Variants in DHX36 observed in about 807,000 individuals in gnomAD.
DHX36 encodes the protein DEAH-box helicase 36.
A neutral mutation model predicts 139.0 loss-of-function variants in DHX36; 50 were observed. That is an observed-to-expected ratio of 0.36 (90% confidence interval 0.29 to 0.46). The LOEUF is 0.46. DHX36 is among the 20% of genes least tolerant of loss of function. The probability of loss-of-function intolerance (pLI) is 1.00; values close to 1 mark genes in which losing one functional copy is unlikely to be tolerated. For synonymous variants in DHX36, 425 were observed against 401.9 expected (o/e 1.06, Z -0.69); for missense variants, 1,024 against 1,211.3 (o/e 0.85, Z 2.29).
intron 17 of DHX36, among the ~76,000 whole-genome samples, 192 bp downstream of exon 17, chr3:154,288,674 A>T (rs762584787): frequency 1.3e-5 from 2 of 152,204 alleles, no homozygotes; most frequent in Non-Finnish European, 2.9e-5. Context: ...TATTACGAAG[A>T]TATCACTTTA....
At chr3:154,319,134 A>G (rs1162163046) in intron 1 of DHX36, 1 of 152,118 alleles carries the variant, frequency 6.6e-6, no homozygotes, top group Non-Finnish European at 1.5e-5. Context: ...CTCCCCCTCA[A>G]CAACCTTCTT....
At chr3:154,319,757 G>T (rs1205277737) in intron 1 of DHX36, among the ~76,000 whole-genome samples, 1 of 152,056 alleles carries the variant, frequency 6.6e-6, no homozygotes, top group African/African-American at 2.4e-5. Flanking sequence ...TTAAGATTTG[G>T]GGGTTGGTTA....
intron 24 of DHX36, 179 bp from the exon 25 acceptor site, chr3:154,276,535 A>G (rs1719154989): frequency 2.6e-6 from 2 of 760,920 alleles, no homozygotes; most frequent in Non-Finnish European, 4.2e-6. Flanking sequence ...TGCAGTTAAA[A>G]TTCACACTGC....
At position 154,320,006 on chromosome 3, in the gene DHX36, T is replaced by A. The variant is rs190737446; in HGVS notation, c.244-3843A>T. On this transcript the variant is annotated intron_variant, in intron 1 of 24. Transcript: ENST00000496811. ...TTTCACTTGCCACCCTACCGCAATC[T>A]GGCTTTTACTTCCACAATGCCACAG... 2.3e-3 allele frequency among the ~76,000 whole-genome samples: 356 copies of A among 152,346 alleles called. 2 individuals carry two copies. Among genetic ancestry groups the A allele is most frequent in the Non-Finnish European group, 4.2e-3 (283 of 68,034 alleles).
chr3:154,276,932 C>A (rs758751767), intron 23 of DHX36, 33 bp from the exon 24 acceptor site: 7 of 1,572,734 alleles, frequency 4.5e-6, no homozygotes, highest in African/African-American at 1.4e-5. Flanking sequence ...TTAATACATT[C>A]AGGAGTCTGA....
chr3:154,315,922 T>C (rs1270279084), intron 2 of DHX36, 117 bp downstream of exon 2: 3 of 1,252,388 alleles, frequency 2.4e-6, no homozygotes, highest in African/African-American at 1.5e-5. Flanking sequence ...TTAATCTACA[T>C]AAGGAAAAAA....
intron 3 of DHX36, among the ~76,000 whole-genome samples, chr3:154,314,491 A>G (rs1021915200): frequency 1.3e-5 from 2 of 152,158 alleles, no homozygotes; most frequent in Non-Finnish European, 2.9e-5. Flanking sequence ...ACTTTATTAC[A>G]TCTCTAGAAC....
At chr3:154,305,273 G>T in intron 6 of DHX36, 105 bp from the exon 7 acceptor site, 1 of 990,234 alleles carries the variant, frequency 1.0e-6, no homozygotes, top group Non-Finnish European at 1.5e-6. Context: ...CAGTTTTAAT[G>T]AAAATCTTCA....
At chr3:154,301,273 CA>C in intron 9 of DHX36, 146 bp from the exon 10 acceptor site, 1 of 783,778 alleles carries the variant, frequency 1.3e-6, no homozygotes, top group Non-Finnish European at 2.0e-6. Context: ...GCTAAAATAT[CA>C]GTTTGTGTTC....
At chr3:154,295,471 T>C (rs1391747365) in intron 12 of DHX36, 132 bp from the exon 13 acceptor site, 5 of 438,330 alleles carry the variant, frequency 1.1e-5, no homozygotes, top group Non-Finnish European at 1.7e-5. Flanking sequence ...CATTATTTAA[T>C]GAAAACAGCT....
chr3:154,286,585 CAT>C (rs1203388917), intron 17 of DHX36, among the ~76,000 whole-genome samples: 17 of 151,276 alleles, frequency 1.1e-4, no homozygotes. Flanking sequence ...TAAATAAAGA[CAT>C]ATAAAACCCC....
At chr3:154,285,366 A>C (rs1204827941) in intron 17 of DHX36, among the ~76,000 whole-genome samples, 1 of 152,230 alleles carries the variant, frequency 6.6e-6, no homozygotes, top group Non-Finnish European at 1.5e-5. Context: ...CTAGTAGTTT[A>C]GGTGACGCGA....
At chr3:154,280,103 G>A (rs1313379135) in intron 22 of DHX36, 4 of 152,578 alleles carry the variant, frequency 2.6e-5, no homozygotes, top group African/African-American at 9.7e-5. Context: ...TAGCTAGAAT[G>A]AGCTCATTCT....
rs1314660044 is a variant in DHX36 at position 154,324,247 on chromosome 3, A to C, written c.170T>G (p.Leu57Arg). Residue 57 changes from leucine to arginine, a missense_variant, in exon 1 of 25, where the codon CTG becomes CGG. By Grantham distance (102) the Leu-to-Arg change is moderately radical. Coordinates refer to ENST00000496811, the MANE Select transcript of DHX36 (RefSeq NM_020865.3). The part of the protein sequence containing the change: ...RGGRGRHPGH[L>R]KGREIGMWYA... ...CCACATGCCGATTTCGCGGCCTTTC[A>C]GGTGCCCGGGATGCCGGCCCCTGCC... 1.2e-6 allele frequency: 2 copies of C among 1,613,210 alleles called. No homozygotes were observed. Among genetic ancestry groups the C allele is most frequent in the Admixed American group, 3.3e-5 (2 of 59,904 alleles).
chr3:154,323,789 G>A (rs1397378082), intron 1 of DHX36, among the ~76,000 whole-genome samples: 4 of 152,176 alleles, frequency 2.6e-5, no homozygotes, highest in Admixed American at 6.5e-5. Flanking sequence ...AGGTCGCTAT[G>A]TGCTTCTTCA....
intron 5 of DHX36, 23 bp from the exon 6 acceptor site, chr3:154,306,318 A>T: frequency 6.3e-7 from 1 of 1,592,478 alleles, no homozygotes; most frequent in Non-Finnish European, 8.6e-7. Context: ...TAAAACATAA[A>T]GAGAATATAA....
chr3:154,308,985 C>T (rs1407045759), intron 5 of DHX36, among the ~76,000 whole-genome samples: 2 of 151,934 alleles, frequency 1.3e-5, no homozygotes, highest in East Asian at 1.9e-4. Flanking sequence ...CCCAGTAGTT[C>T]GAGACCAGCA....
Position 154,324,254 on chromosome 3 carries a change from C to A in DHX36, c.163G>T (p.Gly55Trp). ...CCGATTTCGCGGCCTTTCAGGTGCC[C>A]GGGATGCCGGCCCCTGCCGCCTCGA... Reference protein sequence around the residue: ...GGRGGRGRHPGHLKGREIGMW... With the variant: ...GGRGGRGRHPWHLKGREIGMW... Residue 55 changes from glycine to tryptophan, a missense_variant, in exon 1 of 25, where the codon GGG becomes TGG. Gly to Trp is a radical substitution (Grantham distance 184). Around this residue, in one of 4 missense-constraint regions of DHX36, gnomAD observed 293 missense variants for 274.4 expected, o/e 1.07. Coordinates refer to ENST00000496811, the MANE Select transcript of DHX36 (RefSeq NM_020865.3). 1 of 1,613,644 alleles carries A rather than the reference C, an allele frequency of 6.2e-7. No homozygotes were observed.
chr3:154,290,633 C>CAAAAAAAAAAAAAAAAAAAATAAAAA (rs10706343), intron 15 of DHX36, among the ~76,000 whole-genome samples: 1 of 77,428 alleles, frequency 1.3e-5, no homozygotes. Flanking sequence ...GACTTCATCT[C>CAAAAAAAAAAAAAAAAAAAATAAAAA]AAAAAAAAAA....
Sources: gnomAD v4.1 joint callset for allele counts (sites outside exome capture counted in the v4.1 genomes callset) on GRCh38, gnomAD v4.1.1 for gene constraint, gnomAD v4.1.1 regional missense constraint, MANE v1.5 for transcripts, NCBI Gene and HGNC (gene_info 2026-07-23, HGNC 2026-07-21) for gene names.